The following EPM2A variants were observed in gnomAD, a reference collection of about 807,000 sequenced individuals.
EPM2A encodes EPM2A glucan phosphatase, laforin, also known as laforin.
A neutral mutation model predicts 26.5 loss-of-function variants in EPM2A; 21 were observed. The observed-to-expected ratio is 0.79, with a 90% confidence interval of 0.56 to 1.14. EPM2A has a LOEUF of 1.14. Ranked by LOEUF, EPM2A falls within the 50% of genes most tolerant of loss-of-function variation. The pLI, the probability that EPM2A is intolerant of heterozygous loss-of-function variation, is 0.00. For synonymous variants in EPM2A, 217 were observed against 177.6 expected (o/e 1.22, Z -1.76); for missense variants, 458 against 440.8 (o/e 1.04, Z -0.35).
At chr6:145,491,077 T>C (rs1779748506) in intron 4 of EPM2A, 8 of 715,546 alleles carry the variant, frequency 1.1e-5, no homozygotes, top group Non-Finnish European at 2.0e-5. Flanking sequence ...GTGATAACAT[T>C]TGAAGTTGCT....
downstream of EPM2A, chr6:145,625,220 C>T (rs1475292051): frequency 1.3e-5 from 2 of 154,772 alleles, no homozygotes; most frequent in East Asian, 1.9e-4. Context: ...CAGTGGATTG[C>T]CCCCTTTACA....
intron 2 of EPM2A, among the ~76,000 whole-genome samples, chr6:145,589,992 T>A (rs1227291635): frequency 6.6e-6 from 1 of 151,762 alleles, no homozygotes; most frequent in Non-Finnish European, 1.5e-5. Context: ...AGAATCGAGG[T>A]CATAGGGTAA....
chr6:145,541,914 G>A (rs993866114), intron 2 of EPM2A, among the ~76,000 whole-genome samples: 27 of 151,706 alleles, frequency 1.8e-4, no homozygotes, highest in Non-Finnish European at 3.5e-4. Flanking sequence ...TCGATTTTTG[G>A]ATAATTTTTC....
intron 2 of EPM2A, among the ~76,000 whole-genome samples, chr6:145,552,136 C>A (rs1283723487): frequency 6.6e-6 from 1 of 151,490 alleles, no homozygotes; most frequent in Non-Finnish European, 1.5e-5. Flanking sequence ...TATAATAATG[C>A]CTAATTAGAT....
At chr6:145,719,774 A>T (rs1775853305) in intron 1 of EPM2A, among the ~76,000 whole-genome samples, 1 of 152,146 alleles carries the variant, frequency 6.6e-6, no homozygotes, top group Admixed American at 6.5e-5. Context: ...AGTACCTATC[A>T]CAATTCCAGG....
At position 145,719,414 on chromosome 6, in the gene EPM2A, T is replaced by C. The variant is rs544280171; in HGVS notation, c.301+15784A>G. 5.3e-3 allele frequency among the ~76,000 whole-genome samples: 777 copies of C among 147,998 alleles called. 4 individuals are homozygous for C. Among genetic ancestry groups the C allele is most frequent in the African/African-American group, 0.018 (732 of 39,840 alleles). On this transcript the variant is annotated intron_variant, in intron 1 of 3. Coordinates refer to ENST00000367519, the MANE Select transcript of EPM2A (RefSeq NM_005670.4). ...ACATATTCTCACTCATAGGTGGAAA[T>C]TGAACAATGAGAACACATGGACACA...
chr6:145,415,737 T>G (rs1778699477), intron 4 of EPM2A, among the ~76,000 whole-genome samples: 1 of 152,198 alleles, frequency 6.6e-6, no homozygotes, highest in African/African-American at 2.4e-5. Flanking sequence ...CTGTGATGAT[T>G]ACTTTGTTCC....
intron 4 of EPM2A, among the ~76,000 whole-genome samples, chr6:145,435,660 G>T (rs551151894): frequency 4.6e-5 from 7 of 151,726 alleles, no homozygotes; most frequent in African/African-American, 1.7e-4. Flanking sequence ...AGGTATTTCT[G>T]TATAGCAATG....
chr6:145,391,247 T>G (rs1184278655), intron 4 of EPM2A, among the ~76,000 whole-genome samples: 1 of 152,122 alleles, frequency 6.6e-6, no homozygotes, highest in Non-Finnish European at 1.5e-5. Flanking sequence ...AAAGACATGT[T>G]CCATTGCTGA....
At chr6:145,451,309 T>A (rs1039361906) in intron 4 of EPM2A, among the ~76,000 whole-genome samples, 6 of 151,644 alleles carry the variant, frequency 4.0e-5, no homozygotes, top group African/African-American at 1.4e-4. Flanking sequence ...GACCAAAGCA[T>A]GATGTTACAA....
chr6:145,615,450 C>T (rs1775486118), intron 2 of EPM2A, among the ~76,000 whole-genome samples: 1 of 151,958 alleles, frequency 6.6e-6, no homozygotes, highest in Non-Finnish European at 1.5e-5. Context: ...TCTTTATTAA[C>T]AGCACGAAAA....
chr6:145,442,198 C>G (rs1299192998), intron 4 of EPM2A, among the ~76,000 whole-genome samples: 6 of 152,154 alleles, frequency 3.9e-5, no homozygotes, highest in Admixed American at 3.9e-4. Context: ...CCCACATGTT[C>G]CTGTCTTCTT....
At chr6:145,568,856 C>T (rs418701) in intron 2 of EPM2A, among the ~76,000 whole-genome samples, 65,231 of 151,910 alleles carry the variant, frequency 0.43, 14,565 homozygotes, top group African/African-American at 0.52. Context: ...ATTAGGAGCA[C>T]GATGAGGACA....
At chr6:145,729,379 G>A (rs899901961) in intron 1 of EPM2A, among the ~76,000 whole-genome samples, 10 of 152,208 alleles carry the variant, frequency 6.6e-5, no homozygotes, top group Non-Finnish European at 1.2e-4. Flanking sequence ...CTCAATACCA[G>A]CTCATGAAAG....
chr6:145,409,104 A>G (rs1778608452), intron 4 of EPM2A, among the ~76,000 whole-genome samples: 1 of 152,202 alleles, frequency 6.6e-6, no homozygotes. Flanking sequence ...TAGTCTTAAA[A>G]TTTCTAAGCA....
intron 4 of EPM2A, among the ~76,000 whole-genome samples, chr6:145,399,117 A>G (rs766261844): frequency 1.3e-5 from 2 of 152,298 alleles, no homozygotes; most frequent in African/African-American, 4.8e-5. Flanking sequence ...ATTTGTCCCT[A>G]TTATGCCAAC....
chr6:145,551,650 T>G (rs1486827192), intron 2 of EPM2A, among the ~76,000 whole-genome samples: 1 of 152,030 alleles, frequency 6.6e-6, no homozygotes, highest in Non-Finnish European at 1.5e-5. Flanking sequence ...GAGTTGGTTG[T>G]GTCACTCAGA....
chr6:145,410,458 T>C (rs1489102341), intron 4 of EPM2A, among the ~76,000 whole-genome samples: 1 of 152,190 alleles, frequency 6.6e-6, no homozygotes, highest in Non-Finnish European at 1.5e-5. Flanking sequence ...ACTGACATGA[T>C]GAAATTAATA....
At chr6:145,605,323 C>T (rs1253989935) in intron 2 of EPM2A, among the ~76,000 whole-genome samples, 1 of 152,120 alleles carries the variant, frequency 6.6e-6, no homozygotes, top group East Asian at 1.9e-4. Flanking sequence ...CATGTTCTTA[C>T]CTGAGTATTT....
Sources: allele counts gnomAD v4.1 joint callset (sites outside exome capture counted in the v4.1 genomes callset), GRCh38; gene constraint gnomAD v4.1.1; transcripts MANE v1.5; gene names NCBI Gene and HGNC (gene_info 2026-07-23, HGNC 2026-07-21).